The following CDH12 variants were observed in gnomAD, a reference collection of about 807,000 sequenced individuals.
The protein encoded by CDH12 is cadherin 12, also known as cadherin-12.
In CDH12, 41 loss-of-function variants were observed where a neutral mutation model predicts 74.1. The observed-to-expected ratio is 0.55, with a 90% CI of 0.43 to 0.72. The LOEUF (loss-of-function observed/expected upper bound fraction) is 0.72, where lower values mean the gene tolerates loss of function less well. Ranked by LOEUF, CDH12 falls within the 30% of genes least tolerant of loss-of-function variation. The pLI is 0.00. For missense variants in CDH12, 945 were observed against 977.2 expected (o/e 0.97, Z 0.44); for synonymous variants, 399 against 355.0 (o/e 1.12, Z -1.39).
At chr5:22,686,066 CCTT>C (rs1435251880) in intron 1 of CDH12, among the ~76,000 whole-genome samples, 2 of 152,068 alleles carry the variant, frequency 1.3e-5, no homozygotes, top group Non-Finnish European at 2.9e-5. Context: ...CTGTTACTGT[CCTT>C]CTTTTTGATT....
intron 1 of CDH12, among the ~76,000 whole-genome samples, chr5:22,691,117 C>T (rs1394976397): frequency 1.3e-5 from 2 of 152,094 alleles, no homozygotes; most frequent in African/African-American, 2.4e-5. Context: ...TCAATAAAAT[C>T]ATAAAGTGTT....
chr5:21,778,478 A>C (rs1482693334), intron 11 of CDH12, among the ~76,000 whole-genome samples: 1 of 150,218 alleles, frequency 6.7e-6, no homozygotes, highest in African/African-American at 2.4e-5. Context: ...AAAAAAAAAA[A>C]AAAAAAAAAA....
chr5:22,579,834 G>T (rs1389524634), intron 1 of CDH12, among the ~76,000 whole-genome samples: 1 of 152,072 alleles, frequency 6.6e-6, no homozygotes. Flanking sequence ...TGGGAAAACT[G>T]TCACATTAAA....
At chr5:22,596,544 A>G (rs748388267) in intron 1 of CDH12, among the ~76,000 whole-genome samples, 1 of 152,226 alleles carries the variant, frequency 6.6e-6, no homozygotes, top group Non-Finnish European at 1.5e-5. Context: ...GGATACAGGA[A>G]AAAGATAATC....
intron 5 of CDH12, among the ~76,000 whole-genome samples, chr5:22,028,892 T>C (rs907035788): frequency 1.3e-5 from 2 of 152,270 alleles, no homozygotes; most frequent in South Asian, 2.1e-4. Flanking sequence ...CAAAACAGCA[T>C]GGTACTGGTA....
chr5:22,022,424 C>T (rs1362829337), intron 5 of CDH12, among the ~76,000 whole-genome samples: 2 of 152,076 alleles, frequency 1.3e-5, no homozygotes, highest in Non-Finnish European at 2.9e-5. Context: ...TGTTAAGTTT[C>T]CTGAGGCCTC....
intron 6 of CDH12, among the ~76,000 whole-genome samples, chr5:21,942,347 T>TACAC (rs70957081): frequency 5.4e-4 from 70 of 129,670 alleles, no homozygotes; most frequent in Admixed American, 1.1e-3. Flanking sequence ...TATATATATA[T>TACAC]ACACACACAC....
intron 5 of CDH12, among the ~76,000 whole-genome samples, chr5:22,059,336 CATCTATCTATCTATCTATCTATCT>C (rs58259827): frequency 9.7e-5 from 14 of 144,160 alleles, no homozygotes; most frequent in Middle Eastern, 3.5e-3. Flanking sequence ...GTCTATCTAT[CATCTATCTATCTATCTATCTATCT>C]ATCTATCTAT....
At chr5:22,612,466 G>A (rs539861542) in intron 1 of CDH12, among the ~76,000 whole-genome samples, 67 of 152,138 alleles carry the variant, frequency 4.4e-4, no homozygotes, top group African/African-American at 9.1e-4. Context: ...TGGCAATGAC[G>A]GATGATTCTC....
At chr5:21,877,552 TA>T (rs1752004228) in intron 6 of CDH12, among the ~76,000 whole-genome samples, 3 of 152,242 alleles carry the variant, frequency 2.0e-5, no homozygotes, top group Non-Finnish European at 2.9e-5. Context: ...CAGCTGATGT[TA>T]GAAGTTTTCA....
At chr5:22,852,830 G>A (rs1737617502) in intron 1 of CDH12, among the ~76,000 whole-genome samples, 1 of 152,048 alleles carries the variant, frequency 6.6e-6, no homozygotes, top group Admixed American at 6.6e-5. Context: ...CTCTTTTCAC[G>A]TAACCTCTCA....
chr5:22,181,421 C>T (rs1298074715), intron 4 of CDH12, among the ~76,000 whole-genome samples: 1 of 152,102 alleles, frequency 6.6e-6, no homozygotes, highest in Non-Finnish European at 1.5e-5. Context: ...TCTATGGAAA[C>T]ATAAAATACT....
intron 2 of CDH12, among the ~76,000 whole-genome samples, chr5:22,465,651 C>G (rs1745697878): frequency 6.6e-6 from 1 of 151,984 alleles, no homozygotes; most frequent in Non-Finnish European, 1.5e-5. Flanking sequence ...GTCTCAAAAA[C>G]AAACAAACAA....
chr5:22,334,222 G>T (rs1165845951), intron 3 of CDH12, among the ~76,000 whole-genome samples: 1 of 151,594 alleles, frequency 6.6e-6, no homozygotes, highest in African/African-American at 2.4e-5. Flanking sequence ...CTAAAAAAAA[G>T]AAATTTAAAA....
chr5:22,852,996 G>A (rs1437132496), intron 1 of CDH12, 62 bp downstream of exon 1: 1 of 152,164 alleles, frequency 6.6e-6, no homozygotes, highest in Non-Finnish European at 1.5e-5. Context: ...GAATTTCTGT[G>A]CATGCACCCT....
intron 1 of CDH12, among the ~76,000 whole-genome samples, chr5:22,775,171 G>A (rs1053678369): frequency 6.6e-6 from 1 of 151,906 alleles, no homozygotes; most frequent in African/African-American, 2.4e-5. Context: ...TTTTCTCAAC[G>A]TAAGTGAAAT....
At chr5:22,048,603 T>C (rs1386683409) in intron 5 of CDH12, among the ~76,000 whole-genome samples, 1 of 151,940 alleles carries the variant, frequency 6.6e-6, no homozygotes, top group Non-Finnish European at 1.5e-5. Flanking sequence ...GGAAAAAATA[T>C]TAAGTTGCTA....
At chr5:22,222,969 T>A (rs530842331) in intron 3 of CDH12, among the ~76,000 whole-genome samples, 3 of 151,978 alleles carry the variant, frequency 2.0e-5, no homozygotes, top group Non-Finnish European at 4.4e-5. Flanking sequence ...CCAATACTTA[T>A]ATTTAATATG....
chr5:22,192,012 A>G (rs1205725231), intron 4 of CDH12, among the ~76,000 whole-genome samples: 1 of 152,122 alleles, frequency 6.6e-6, no homozygotes, highest in Admixed American at 6.5e-5. Flanking sequence ...CTTGGCTCAC[A>G]GCAACCTCTG....
Sources: allele counts gnomAD v4.1 joint callset (sites outside exome capture counted in the v4.1 genomes callset), GRCh38; gene constraint gnomAD v4.1.1; transcripts MANE v1.5; gene names NCBI Gene and HGNC (gene_info 2026-07-23, HGNC 2026-07-21).